ZNF789: variants seen among roughly 807,000 people sequenced by gnomAD.
ZNF789 encodes the protein zinc finger protein 789.
Under a neutral mutation model 15.6 loss-of-function variants are expected in ZNF789, and 11 were observed. The observed-to-expected ratio is 0.70, with a 90% CI of 0.44 to 1.16. ZNF789 has a LOEUF of 1.16. ZNF789 is among the 50% of genes most tolerant of loss of function. The pLI, the probability that ZNF789 is intolerant of heterozygous loss-of-function variation, is 0.00. For synonymous variants in ZNF789, 159 were observed against 176.0 expected (o/e 0.90, Z 0.76); for missense variants, 461 against 512.6 (o/e 0.90, Z 0.97).
At chr7:99,474,377 G>T (rs540408919) in intron 1 of ZNF789, among the ~76,000 whole-genome samples, 6 of 152,106 alleles carry the variant, frequency 3.9e-5, no homozygotes, top group Admixed American at 1.3e-4. Flanking sequence ...GGAGGATCAC[G>T]AGGTCAGGAG....
chr7:99,478,389 C>G (rs1799445696), intron 2 of ZNF789: 1 of 1,285,832 alleles, frequency 7.8e-7, no homozygotes. Flanking sequence ...AGCAGTGGAA[C>G]TCAGGTTTGA....
chr7:99,479,722 A>G lies in ZNF789; in HGVS notation c.86A>G (p.Asn29Ser), dbSNP rs1185486694. 2.5e-6 allele frequency: 4 copies of G among 1,613,962 alleles called. No individual in the cohort carries two copies. The highest frequency in any genetic ancestry group is 3.4e-6 in the Non-Finnish European group (4 of 1,179,998). Reference protein sequence around the residue: ...YFTREEWGHLNWGQKDLYRDV... With the variant: ...YFTREEWGHLSWGQKDLYRDV... ...ACCAGAGAGGAGTGGGGCCACCTCA[A>G]CTGGGGTCAGAAGGACCTCTACCGA... The change falls in exon 3 of 5, where the codon AAC becomes AGC. Residue 29 changes from asparagine to serine, a missense_variant. Transcript: ENST00000331410.
intron 3 of ZNF789, chr7:99,480,254 G>A (rs1221532990): frequency 1.3e-5 from 2 of 158,194 alleles, no homozygotes; most frequent in African/African-American, 4.8e-5. Context: ...GAACCCGGGA[G>A]GCAGAGGTTG....
chr7:99,486,089 G>A (rs1402933461), intron 4 of ZNF789, among the ~76,000 whole-genome samples: 1 of 152,176 alleles, frequency 6.6e-6, no homozygotes, highest in African/African-American at 2.4e-5. Context: ...AGGCCGAGGT[G>A]GGTGGATCAC....
At chr7:99,476,529 G>A in intron 2 of ZNF789, 49 bp downstream of exon 2, 1 of 1,605,914 alleles carries the variant, frequency 6.2e-7, no homozygotes, top group Non-Finnish European at 8.5e-7. Flanking sequence ...ACTGCCACCA[G>A]CAGCTCCTTC....
chr7:99,486,471 G>C lies in ZNF789; in HGVS notation c.266-5G>C. The C allele has an allele frequency of 6.2e-7, 1 of 1,601,066 alleles. No individual in the cohort carries two copies. The highest frequency in any genetic ancestry group is 8.5e-7 in the Non-Finnish European group (1 of 1,174,972). On this transcript the variant is annotated splice_polypyrimidine_tract_variant and splice_region_variant and intron_variant, in intron 4 of 4. Coordinates refer to ENST00000331410, the MANE Select transcript of ZNF789 (RefSeq NM_213603.3). ...CATTTACATCTTTTCTTGTTATTTG[G>C]CTAGGTTCTGAAGCCAGACACAAGA...
At chr7:99,479,507 C>G in intron 2 of ZNF789, 154 bp from the exon 3 acceptor site, 3 of 825,224 alleles carry the variant, frequency 3.6e-6, no homozygotes, top group Non-Finnish European at 5.2e-6. Flanking sequence ...TGAGGGCCAT[C>G]AGGCCTGAAA....
chr7:99,473,855 A>C (rs13437771), intron 1 of ZNF789, among the ~76,000 whole-genome samples: 1 of 151,962 alleles, frequency 6.6e-6, no homozygotes, highest in East Asian at 2.0e-4. Context: ...TCCTGACCTC[A>C]TGATCCGCCC....
At position 99,484,118 on chromosome 7, in the gene ZNF789, G is replaced by C. The variant is rs771607879; in HGVS notation, c.240G>C (p.Arg80Ser). The C allele has an allele frequency of 2.2e-5, 35 of 1,613,890 alleles. No individual in the cohort carries two copies. The East Asian group carries it at 4.5e-4, about 21-fold the overall frequency. Residue 80 changes from arginine to serine, a missense_variant, in exon 4 of 5, where the codon AGG becomes AGC. Transcript: ENST00000331410. ...WILDLPRTGN[R>S]KASGSACPGS... is the part of the protein sequence containing the mutation. Reference sequence around the variant, plus strand: ...TGGATCTACCGAGAACTGGGAATAGGAAGGCTTCCGGTAGTGCTTGCCCAG... The same window carrying C: ...TGGATCTACCGAGAACTGGGAATAGCAAGGCTTCCGGTAGTGCTTGCCCAG...
At chr7:99,474,765 C>T (rs1799224734) in intron 1 of ZNF789, among the ~76,000 whole-genome samples, 1 of 151,996 alleles carries the variant, frequency 6.6e-6, no homozygotes, top group South Asian at 2.1e-4. Flanking sequence ...TTAGAGTGTA[C>T]CTCTTTGCTT....
Position 99,476,102 on chromosome 7 carries a change from C to T in ZNF789, c.-54-301C>T, listed in dbSNP as rs1007807459. On this transcript the variant is annotated intron_variant, in intron 1 of 4. Transcript: ENST00000331410. ...ATAGGCGTGAGCCACCGTGCCTGGC[C>T]AGAGTGCTATGTTTATATGTGGTCT... is the stretch of plus-strand genomic sequence containing the variant. The T allele has an allele frequency of 3.0e-5, 6 of 201,822 alleles. No individual in the cohort carries two copies. The South Asian group carries it at 5.9e-4, about 20-fold the overall frequency. 12.5% of individuals were successfully genotyped at this position (201,822 alleles called of 1,614,324 possible).
intron 4 of ZNF789, chr7:99,485,140 T>C: frequency 6.6e-7 from 1 of 1,525,842 alleles, no homozygotes; most frequent in East Asian, 2.5e-5. Context: ...TTGCTTTGTT[T>C]TGTTTTCATA....
At chr7:99,485,196 G>C in intron 4 of ZNF789, 1 of 1,535,772 alleles carries the variant, frequency 6.5e-7, no homozygotes, top group Non-Finnish European at 8.7e-7. Context: ...TACTTACTGT[G>C]TCCCGATGCA....
intron 3 of ZNF789, chr7:99,482,048 A>G: frequency 1.4e-6 from 1 of 705,204 alleles, no homozygotes; most frequent in Non-Finnish European, 2.6e-6. Context: ...ACTCATAAAT[A>G]TATAATAAGA....
intron 2 of ZNF789, chr7:99,478,179 A>C: frequency 1.2e-6 from 1 of 864,682 alleles, no homozygotes; most frequent in Admixed American, 3.1e-5. Flanking sequence ...TCAGTTTCCA[A>C]GAACCTATTG....
rs777364166 is a variant in ZNF789, at chr7:99,486,904, A to C, written c.694A>C (p.Lys232Gln). 1 of 1,614,160 alleles carries C rather than the reference A, an allele frequency of 6.2e-7. No individual in the cohort carries two copies. Among genetic ancestry groups the C allele is most frequent in the Non-Finnish European group, 8.5e-7 (1 of 1,180,036 alleles). ...IHFLENPFEC[K>Q]VCGQAFRQRS... ...CTTTTTAGAGAATCCTTTTGAGTGT[A>C]AGGTCTGTGGGCAAGCCTTCAGACA... is the stretch of plus-strand genomic sequence containing the variant. Residue 232 changes from lysine (K) to glutamine (Q), a missense_variant, in exon 5 of 5, where the codon AAG (lysine) becomes CAG (glutamine). By Grantham distance (53) the Lys-to-Gln change is moderately conservative (BLOSUM62 1). Coordinates refer to ENST00000331410, the MANE Select transcript of ZNF789 (RefSeq NM_213603.3).
At chr7:99,474,891 A>G (rs1249635816) in intron 1 of ZNF789, among the ~76,000 whole-genome samples, 1 of 151,966 alleles carries the variant, frequency 6.6e-6, no homozygotes, top group African/African-American at 2.4e-5. Context: ...AGACTGAGGC[A>G]GGAGCATTGC....
chr7:99,485,288 A>G, intron 4 of ZNF789: 2 of 1,353,266 alleles, frequency 1.5e-6, no homozygotes. Context: ...TGGGGACAGG[A>G]TGGGGCATGT....
chr7:99,485,314 A>T, intron 4 of ZNF789: 3 of 1,172,820 alleles, frequency 2.6e-6, no homozygotes, highest in Non-Finnish European at 3.7e-6. Flanking sequence ...GCATTTTAGG[A>T]TGTTGAGTAG....
Sources: allele counts gnomAD v4.1 joint callset (sites outside exome capture counted in the v4.1 genomes callset), GRCh38; gene constraint gnomAD v4.1.1; transcripts MANE v1.5; gene names NCBI Gene and HGNC (gene_info 2026-07-23, HGNC 2026-07-21).